ASIC2: variants seen among roughly 807,000 people sequenced by gnomAD.
ASIC2 encodes the protein acid-sensing ion channel 2.
In ASIC2, 25 loss-of-function variants were observed where a neutral mutation model predicts 57.3. The observed-to-expected ratio is 0.44, with a 90% CI of 0.32 to 0.61. ASIC2 has a LOEUF of 0.61. ASIC2 is among the 20% of genes least tolerant of loss of function. The pLI, the probability that ASIC2 is intolerant of heterozygous loss-of-function variation, is 0.06. For missense variants in ASIC2, 641 were observed against 738.1 expected (o/e 0.87, Z 1.52); for synonymous variants, 319 against 307.5 (o/e 1.04, Z -0.39).
At chr17:33,415,139 T>A (rs1910797779) in intron 1 of ASIC2, among the ~76,000 whole-genome samples, 2 of 151,604 alleles carry the variant, frequency 1.3e-5, no homozygotes, top group African/African-American at 2.4e-5. Flanking sequence ...TCACTTACCC[T>A]CTCTAAGTTT....
chr17:33,349,155 T>G (rs1908065348), intron 1 of ASIC2, among the ~76,000 whole-genome samples: 1 of 152,216 alleles, frequency 6.6e-6, no homozygotes, highest in Non-Finnish European at 1.5e-5. Context: ...CCTATTGTTG[T>G]CATATGAGAG....
At chr17:33,517,679 T>C (rs922455316) in intron 1 of ASIC2, among the ~76,000 whole-genome samples, 1 of 109,980 alleles carries the variant, frequency 9.1e-6, no homozygotes, top group African/African-American at 3.6e-5. Context: ...AAGGGGAACA[T>C]CACACACCGG....
At chr17:33,392,234 C>A (rs1178745979) in intron 1 of ASIC2, among the ~76,000 whole-genome samples, 1 of 118,152 alleles carries the variant, frequency 8.5e-6, no homozygotes, top group African/African-American at 3.1e-5. Context: ...TTCCTTCCTT[C>A]CTTCCTTTTC....
At chr17:33,470,804 T>G (rs1255433639) in intron 1 of ASIC2, among the ~76,000 whole-genome samples, 1 of 151,918 alleles carries the variant, frequency 6.6e-6, no homozygotes, top group Admixed American at 6.6e-5. Flanking sequence ...GCCAGAGGAG[T>G]TCACAGCATT....
At chr17:33,405,724 C>T (rs1402573277) in intron 1 of ASIC2, among the ~76,000 whole-genome samples, 1 of 152,090 alleles carries the variant, frequency 6.6e-6, no homozygotes, top group East Asian at 1.9e-4. Flanking sequence ...CCTGGTGATC[C>T]ACCCGCCTTG....
chr17:33,260,131 C>T (rs948520602), intron 1 of ASIC2, among the ~76,000 whole-genome samples: 2 of 152,018 alleles, frequency 1.3e-5, no homozygotes, highest in African/African-American at 2.4e-5. Context: ...AAAGTGAGAC[C>T]CTGCCTCTAA....
At chr17:33,126,226 T>A (rs1461823717) in intron 1 of ASIC2, among the ~76,000 whole-genome samples, 1 of 152,196 alleles carries the variant, frequency 6.6e-6, no homozygotes, top group African/African-American at 2.4e-5. Context: ...GCACAGGCTT[T>A]TTTACTGAGA....
At chr17:33,344,397 A>G (rs929605218) in intron 1 of ASIC2, among the ~76,000 whole-genome samples, 1 of 152,164 alleles carries the variant, frequency 6.6e-6, no homozygotes, top group Non-Finnish European at 1.5e-5. Context: ...TTTACCTGGC[A>G]GGGAGCGGGG....
chr17:33,184,995 T>C (rs932402563), intron 1 of ASIC2, among the ~76,000 whole-genome samples: 3 of 152,218 alleles, frequency 2.0e-5, no homozygotes, highest in Non-Finnish European at 2.9e-5. Flanking sequence ...TTTGAGAGCA[T>C]TAATGAAAGA....
intron 3 of ASIC2, among the ~76,000 whole-genome samples, chr17:33,053,848 A>C (rs1306688882): frequency 6.6e-6 from 1 of 152,148 alleles, no homozygotes; most frequent in Non-Finnish European, 1.5e-5. Flanking sequence ...ACAAAAAGGG[A>C]CATATTAATT....
intron 1 of ASIC2, among the ~76,000 whole-genome samples, chr17:33,745,968 T>C (rs530500206): frequency 3.9e-5 from 6 of 152,148 alleles, no homozygotes; most frequent in Non-Finnish European, 8.8e-5. Context: ...AAACAATATG[T>C]ATATAATTGC....
intron 1 of ASIC2, among the ~76,000 whole-genome samples, chr17:33,845,217 T>C (rs1471365564): frequency 2.0e-5 from 3 of 152,246 alleles, no homozygotes; most frequent in Non-Finnish European, 4.4e-5. Context: ...ATTTGATTGA[T>C]ATCCAGTTAT....
chr17:33,596,691 C>T (rs1265271848), intron 1 of ASIC2, among the ~76,000 whole-genome samples: 4 of 152,160 alleles, frequency 2.6e-5, no homozygotes, highest in African/African-American at 9.7e-5. Context: ...CCTCCTCCTT[C>T]CTTTTCCTTC....
intron 1 of ASIC2, among the ~76,000 whole-genome samples, chr17:33,505,827 G>C (rs62055336): frequency 6.6e-6 from 1 of 151,982 alleles, no homozygotes; most frequent in East Asian, 1.9e-4. Flanking sequence ...GAAGCCTTTC[G>C]GGAGCTCAAG....
At chr17:33,451,095 C>T (rs967234337) in intron 1 of ASIC2, among the ~76,000 whole-genome samples, 5 of 150,320 alleles carry the variant, frequency 3.3e-5, no homozygotes, top group South Asian at 4.2e-4. Context: ...CTCACTCTGT[C>T]GCCCAGGCTG....
chr17:33,887,987 G>A (rs1914869260), intron 1 of ASIC2, among the ~76,000 whole-genome samples: 1 of 152,148 alleles, frequency 6.6e-6, no homozygotes, highest in African/African-American at 2.4e-5. Flanking sequence ...GATTTTGCAT[G>A]TTGCTTTGTC....
At chr17:33,596,946 T>C (rs959624344) in intron 1 of ASIC2, among the ~76,000 whole-genome samples, 3 of 152,136 alleles carry the variant, frequency 2.0e-5, no homozygotes, top group Non-Finnish European at 4.4e-5. Flanking sequence ...ATGGATGAGC[T>C]CTCAAAAAGA....
In ASIC2 at chr17:33,490,602, A is replaced by ACT. The variant is rs1261672472; in HGVS notation, c.556-378537_556-378536dup. Among the ~76,000 whole-genome samples, 5 of 151,544 alleles carry ACT rather than the reference A, an allele frequency of 3.3e-5. No individual in the cohort carries two copies. The East Asian group carries it at 7.8e-4, about 24-fold the overall frequency. On this transcript the variant is annotated intron_variant, in intron 1 of 9. Coordinates refer to the ASIC2 transcript ENST00000359872. Reference sequence around the variant, plus strand: ...TTATAAAGCGGGGTCTCCTGCATAAACTCTCTCTTGCCTGGCGCCATCTAA... The same window carrying ACT: ...TTATAAAGCGGGGTCTCCTGCATAAACTCTCTCTCTTGCCTGGCGCCATCTAA...
At chr17:33,872,697 C>T (rs1034431907) in intron 1 of ASIC2, among the ~76,000 whole-genome samples, 2 of 152,126 alleles carry the variant, frequency 1.3e-5, no homozygotes, top group African/African-American at 2.4e-5. Flanking sequence ...TAATCGCTCA[C>T]CCAGCAGTTC....
Sources: allele counts gnomAD v4.1 joint callset (sites outside exome capture counted in the v4.1 genomes callset), GRCh38; gene constraint gnomAD v4.1.1; transcripts MANE v1.5; gene names NCBI Gene and HGNC (gene_info 2026-07-23, HGNC 2026-07-21).